Variants in DSCAM observed in about 807,000 individuals in gnomAD.
DSCAM encodes the protein cell adhesion molecule DSCAM.
DSCAM carries 47 observed loss-of-function variants against 217.7 expected under a neutral mutation model. That is an observed-to-expected ratio of 0.22 (90% CI 0.17 to 0.28). DSCAM has a LOEUF of 0.28. DSCAM is among the 10% of genes least tolerant of loss of function. The pLI, the probability that DSCAM is intolerant of heterozygous loss-of-function variation, is 1.00. For synonymous variants in DSCAM, 1,056 were observed against 1,015.3 expected, an observed-to-expected ratio of 1.04 and a Z score of -0.76; for missense variants, 2,080 against 2,618.3, an observed-to-expected ratio of 0.79 and a Z score of 4.49.
chr21:40,474,614 A>G (rs1436868791), intron 3 of DSCAM, among the ~76,000 whole-genome samples: 1 of 152,158 alleles, frequency 6.6e-6, no homozygotes, highest in African/African-American at 2.4e-5. Flanking sequence ...CAGAGTTTGA[A>G]AAATGCCGCT....
At chr21:40,773,442 T>C (rs2091463303) in intron 1 of DSCAM, among the ~76,000 whole-genome samples, 1 of 152,144 alleles carries the variant, frequency 6.6e-6, no homozygotes, top group African/African-American at 2.4e-5. Flanking sequence ...TTCCATCTCC[T>C]CTCTCTTAGA....
At chr21:40,780,039 T>G (rs2091525736) in intron 1 of DSCAM, among the ~76,000 whole-genome samples, 1 of 152,180 alleles carries the variant, frequency 6.6e-6, no homozygotes, top group African/African-American at 2.4e-5. Flanking sequence ...ACAAGCAGAG[T>G]TAGGAGCCTA....
chr21:40,773,125 T>A (rs1202436138), intron 1 of DSCAM, among the ~76,000 whole-genome samples: 1 of 152,216 alleles, frequency 6.6e-6, no homozygotes, highest in Non-Finnish European at 1.5e-5. Context: ...GCTCCCCACC[T>A]AACCCTTGTT....
intron 5 of DSCAM, among the ~76,000 whole-genome samples, chr21:40,349,360 C>T (rs866716093): frequency 6.6e-6 from 1 of 151,484 alleles, no homozygotes; most frequent in Admixed American, 6.6e-5. Flanking sequence ...TTTGTGACCA[C>T]GAAACAGAGT....
At chr21:40,616,093 G>A (rs184769828) in intron 3 of DSCAM, among the ~76,000 whole-genome samples, 57 of 152,026 alleles carry the variant, frequency 3.7e-4, no homozygotes, top group Non-Finnish European at 5.9e-5. Context: ...TCCTGTTCTT[G>A]GTTGGAAGCA....
At chr21:40,187,086 A>C (rs369230236) in intron 14 of DSCAM, 45 bp downstream of exon 14, 2 of 1,605,796 alleles carry the variant, frequency 1.2e-6, no homozygotes, top group Non-Finnish European at 1.7e-6. Context: ...AAAATAAAAG[A>C]ACTTTCTGAG....
chr21:40,291,647 C>G (rs575028964), intron 10 of DSCAM, among the ~76,000 whole-genome samples: 1 of 152,202 alleles, frequency 6.6e-6, no homozygotes, highest in East Asian at 1.9e-4. Flanking sequence ...CGGTCTCCCT[C>G]GGAGGACAGG....
intron 8 of DSCAM, among the ~76,000 whole-genome samples, chr21:40,326,145 A>G (rs1050914258): frequency 2.4e-4 from 37 of 152,218 alleles, no homozygotes; most frequent in African/African-American, 8.2e-4. Context: ...GGATGGTTGA[A>G]AAAAGGGGGG....
intron 2 of DSCAM, among the ~76,000 whole-genome samples, chr21:40,694,606 A>G (rs931926527): frequency 3.9e-5 from 6 of 152,084 alleles, no homozygotes; most frequent in African/African-American, 1.4e-4. Context: ...GTATCTAACC[A>G]GAGAGATTTT....
At position 40,047,615 on chromosome 21, in the gene DSCAM, A is replaced by G. The variant is rs146648943; in HGVS notation, c.5186-3340T>C. Among the ~76,000 whole-genome samples the G allele has an allele frequency of 2.3e-4, 35 of 152,332 alleles. No homozygotes were observed. In the East Asian group the frequency reaches 6.2e-3, roughly 27 times the overall value. On this transcript the variant is annotated intron_variant, in intron 30 of 32. Coordinates refer to ENST00000400454, the MANE Select transcript of DSCAM (RefSeq NM_001389.5). ...ATAGGTTACAGAACATGTCATGCGT[A>G]CTGTGATCATGGTATTAATCTGCTT... is the stretch of plus-strand genomic sequence containing the variant.
At chr21:40,280,338 C>CACCAT (rs2073743918) in intron 10 of DSCAM, among the ~76,000 whole-genome samples, 1 of 151,784 alleles carries the variant, frequency 6.6e-6, no homozygotes, top group Non-Finnish European at 1.5e-5. Flanking sequence ...CGGCAGACAC[C>CACCAT]ACCATACCCC....
intron 3 of DSCAM, among the ~76,000 whole-genome samples, chr21:40,549,641 T>G (rs184754957): frequency 5.3e-5 from 8 of 152,340 alleles, no homozygotes; most frequent in Admixed American, 5.2e-4. Flanking sequence ...ATGGAAGACC[T>G]AGGTTCTAGG....
intron 20 of DSCAM, among the ~76,000 whole-genome samples, chr21:40,111,195 T>C (rs911173514): frequency 6.6e-6 from 1 of 152,214 alleles, no homozygotes; most frequent in African/African-American, 2.4e-5. Context: ...AAGGAAAGCC[T>C]ATCAGACTAA....
At chr21:40,342,745 CTT>C (rs1217476912) in intron 6 of DSCAM, among the ~76,000 whole-genome samples, 11 of 67,148 alleles carry the variant, frequency 1.6e-4, no homozygotes, top group African/African-American at 7.6e-4. Context: ...CACACCACGC[CTT>C]TTTTTTTTTT....
intron 3 of DSCAM, among the ~76,000 whole-genome samples, chr21:40,523,590 C>T (rs1454663867): frequency 3.9e-5 from 6 of 152,118 alleles, no homozygotes; most frequent in East Asian, 3.9e-4. Flanking sequence ...CCTTCTGGCT[C>T]CCCCATCTGC....
chr21:40,644,619 G>A (rs1293331306), intron 3 of DSCAM, among the ~76,000 whole-genome samples: 5 of 152,146 alleles, frequency 3.3e-5, no homozygotes, highest in East Asian at 1.9e-4. Flanking sequence ...GGCACCTAGG[G>A]GTGTTACCAA....
intron 3 of DSCAM, among the ~76,000 whole-genome samples, chr21:40,641,667 T>G (rs1397730082): frequency 6.6e-6 from 1 of 152,182 alleles, no homozygotes; most frequent in African/African-American, 2.4e-5. Context: ...AAGGCTTGGA[T>G]TTTCAGATAA....
chr21:40,110,446 T>A (rs956311088), intron 20 of DSCAM, among the ~76,000 whole-genome samples: 1 of 152,030 alleles, frequency 6.6e-6, no homozygotes, highest in Admixed American at 6.6e-5. Context: ...CAAAGGTAGA[T>A]AAAACCACAA....
At chr21:40,565,802 A>C (rs1385298193) in intron 3 of DSCAM, among the ~76,000 whole-genome samples, 1 of 152,182 alleles carries the variant, frequency 6.6e-6, no homozygotes, top group Non-Finnish European at 1.5e-5. Flanking sequence ...ACTACACAGA[A>C]GGAATCACAA....
Sources: gnomAD v4.1 joint callset for allele counts (sites outside exome capture counted in the v4.1 genomes callset) on GRCh38, gnomAD v4.1.1 for gene constraint, MANE v1.5 for transcripts, NCBI Gene and HGNC (gene_info 2026-07-23, HGNC 2026-07-21) for gene names.